Variants in CCDC73 observed in about 807,000 individuals in gnomAD.
CCDC73 encodes coiled-coil domain-containing protein 73.
In CCDC73, 95 loss-of-function variants were observed where a neutral mutation model predicts 116.5. That is an observed-to-expected ratio of 0.82 (90% CI 0.69 to 0.97). The LOEUF is 0.97. CCDC73 is among the 50% of genes least tolerant of loss of function. The pLI is 0.00. For missense variants in CCDC73, 1,066 were observed against 1,206.8 expected (o/e 0.88, Z 1.73); for synonymous variants, 398 against 401.3 (o/e 0.99, Z 0.10).
intron 2 of CCDC73, among the ~76,000 whole-genome samples, chr11:32,755,572 TATCC>T (rs1463579830): frequency 2.0e-4 from 23 of 113,806 alleles, no homozygotes; most frequent in East Asian, 8.8e-4. Flanking sequence ...TGTACATATA[TATCC>T]ATATATATGT....
intron 12 of CCDC73, among the ~76,000 whole-genome samples, chr11:32,642,447 ATT>A (rs1333971229): frequency 6.6e-6 from 1 of 151,946 alleles, no homozygotes; most frequent in Non-Finnish European, 1.5e-5. Flanking sequence ...ACCATAGAAC[ATT>A]TTTTCCATTA....
chr11:32,729,262 T>G lies in CCDC73; in HGVS notation c.136-11115A>C, dbSNP rs565534810. Among the ~76,000 whole-genome samples the G allele has an allele frequency of 5.3e-5, 8 of 152,164 alleles. No individual in the cohort carries two copies. The South Asian group carries it at 1.7e-3, about 31-fold the overall frequency. On this transcript the variant is annotated intron_variant, in intron 2 of 17. Coordinates refer to ENST00000335185, the MANE Select transcript of CCDC73 (RefSeq NM_001008391.4). ...TTCAGCTCCCACTTACAAGTGAAAA[T>G]ATGCAGTGTTTGGTTTTCTGTTGCT... is the stretch of plus-strand genomic sequence containing the variant.
At chr11:32,767,136 G>C (rs906143082) in intron 1 of CCDC73, among the ~76,000 whole-genome samples, 2 of 152,128 alleles carry the variant, frequency 1.3e-5, no homozygotes, top group African/African-American at 2.4e-5. Context: ...TAGACCAATG[G>C]AACAGAACAG....
chr11:32,627,402 G>A (rs1855585936), intron 14 of CCDC73, among the ~76,000 whole-genome samples: 1 of 152,228 alleles, frequency 6.6e-6, no homozygotes, highest in African/African-American at 2.4e-5. Flanking sequence ...CACTGTGGAA[G>A]TCAGTGTGGC....
At chr11:32,731,520 C>A (rs909960107) in intron 2 of CCDC73, among the ~76,000 whole-genome samples, 1 of 152,166 alleles carries the variant, frequency 6.6e-6, no homozygotes, top group Non-Finnish European at 1.5e-5. Flanking sequence ...TCCCAGTAGG[C>A]GCTAACTGAC....
chr11:32,639,115 T>A (rs1855708121), intron 13 of CCDC73, among the ~76,000 whole-genome samples: 1 of 151,102 alleles, frequency 6.6e-6, no homozygotes. Context: ...ACCACTGTAC[T>A]CCAGCCTGGG....
intron 2 of CCDC73, among the ~76,000 whole-genome samples, chr11:32,756,481 A>C (rs1329649816): frequency 6.9e-6 from 1 of 145,450 alleles, no homozygotes; most frequent in Non-Finnish European, 1.5e-5. Context: ...ATATATATCT[A>C]TATCTATATA....
At chr11:32,788,982 T>G (rs1231149019) in intron 1 of CCDC73, among the ~76,000 whole-genome samples, 2 of 152,324 alleles carry the variant, frequency 1.3e-5, no homozygotes, top group East Asian at 3.9e-4. Context: ...CTAAGTTTAA[T>G]TTTTATATTG....
rs139429847 is a variant in CCDC73 at position 32,619,797 on chromosome 11, G to A, written c.1186-3668C>T. On this transcript the variant is annotated intron_variant, in intron 14 of 17. Transcript: ENST00000335185. ...AGCAGAAGAAGCAGAAGAAGCAGGA[G>A]GAAAAGGAGGAGGTGAAGAAGGAGA... Among the ~76,000 whole-genome samples the A allele has an allele frequency of 4.3e-3, 642 of 148,742 alleles. 3 individuals carry two copies. The highest frequency in any genetic ancestry group is 0.015 in the African/African-American group (615 of 40,492).
Position 32,653,103 on chromosome 11 carries a change from G to A in CCDC73, c.939+20C>T. ...TAAAACACAGATAGATAGACAGACA[G>A]ACAGACAGATAGAACGAACCTGATT... On this transcript the variant is annotated intron_variant, in intron 12 of 17. Coordinates refer to ENST00000335185, the MANE Select transcript of CCDC73 (RefSeq NM_001008391.4). 1 of 1,389,856 alleles carries A rather than the reference G, an allele frequency of 7.2e-7. No homozygotes were observed. The highest frequency in any genetic ancestry group is 1.0e-6 in the Non-Finnish European group (1 of 981,256). 86.1% of individuals were successfully genotyped at this position (1,389,856 alleles called of 1,614,324 possible).
intron 3 of CCDC73, among the ~76,000 whole-genome samples, chr11:32,710,636 C>T (rs1849890993): frequency 6.6e-6 from 1 of 152,098 alleles, no homozygotes; most frequent in Non-Finnish European, 1.5e-5. Context: ...GTTCCATGTA[C>T]TGATTAACAG....
At chr11:32,679,766 C>T (rs1251022527) in intron 7 of CCDC73, 1 of 152,164 alleles carries the variant, frequency 6.6e-6, no homozygotes, top group African/African-American at 2.4e-5. Flanking sequence ...GCTTTCTTAA[C>T]CTTTCAGCTA....
intron 1 of CCDC73, among the ~76,000 whole-genome samples, chr11:32,779,867 A>G (rs772944965): frequency 5.9e-5 from 9 of 152,232 alleles, no homozygotes; most frequent in African/African-American, 1.4e-4. Flanking sequence ...AGAGCTTTCC[A>G]TAACAGCTTA....
At chr11:32,718,437 C>T (rs1399282132) in intron 2 of CCDC73, among the ~76,000 whole-genome samples, 1 of 152,132 alleles carries the variant, frequency 6.6e-6, no homozygotes, top group Non-Finnish European at 1.5e-5. Flanking sequence ...ACGAAAAGTC[C>T]TTAATAAATT....
chr11:32,777,739 A>G lies in CCDC73; in HGVS notation c.-16+16874T>C, dbSNP rs193083504. On this transcript the variant is annotated intron_variant, in intron 1 of 17. Transcript: ENST00000335185. Reference sequence around the variant, plus strand: ...ATATTTCTTTGAACAGATCTTATCTATTACTCATATTCCAACATATTACAA... The same window carrying G: ...ATATTTCTTTGAACAGATCTTATCTGTTACTCATATTCCAACATATTACAA... Among the ~76,000 whole-genome samples, 13 of 152,264 alleles carry G rather than the reference A, an allele frequency of 8.5e-5. No homozygotes were observed. In the East Asian group the frequency reaches 2.5e-3, roughly 29 times the overall value.
chr11:32,789,503 G>C (rs1850657394), intron 1 of CCDC73, among the ~76,000 whole-genome samples: 1 of 152,138 alleles, frequency 6.6e-6, no homozygotes, highest in South Asian at 2.1e-4. Context: ...GGGGTTGTTG[G>C]CTCAGTCCTG....
chr11:32,680,939 G>C (rs1390722596), intron 7 of CCDC73: 3 of 151,860 alleles, frequency 2.0e-5, no homozygotes, highest in Non-Finnish European at 4.4e-5. Context: ...ATGAGGCATA[G>C]ATTACTTTAA....
At chr11:32,820,506 GAA>G in the CCDC73 span, among the ~76,000 whole-genome samples, 1 of 152,110 alleles carries the variant, frequency 6.6e-6, no homozygotes, top group Non-Finnish European at 1.5e-5. Context: ...AGAAATAGCT[GAA>G]GAGGCATTAA....
intron 2 of CCDC73, among the ~76,000 whole-genome samples, chr11:32,731,302 C>T (rs1022550383): frequency 6.6e-6 from 1 of 152,214 alleles, no homozygotes; most frequent in Non-Finnish European, 1.5e-5. Context: ...GAGCCCACCA[C>T]AGTTCATGGA....
Sources: allele counts gnomAD v4.1 joint callset (sites outside exome capture counted in the v4.1 genomes callset), GRCh38; gene constraint gnomAD v4.1.1; transcripts MANE v1.5; gene names NCBI Gene and HGNC (gene_info 2026-07-23, HGNC 2026-07-21).